Variants in CAV1 observed in about 807,000 individuals in gnomAD.
The protein encoded by CAV1 is caveolin-1.
A neutral mutation model predicts 16.5 loss-of-function variants in CAV1; 10 were observed. The ratio of observed to expected loss-of-function variants is 0.61; its 90% CI spans 0.37 to 1.03. The LOEUF (loss-of-function observed/expected upper bound fraction) is 1.03. CAV1 is among the 50% of genes least tolerant of loss of function. The probability of loss-of-function intolerance (pLI) is 0.01; values close to 1 mark genes in which losing one functional copy is unlikely to be tolerated. For missense variants in CAV1, 212 were observed against 232.8 expected (o/e 0.91, Z 0.58); for synonymous variants, 76 against 85.1 (o/e 0.89, Z 0.59).
intron 2 of CAV1, among the ~76,000 whole-genome samples, chr7:116,555,478 G>GGAAGGAAGGAAGGAAGGAA (rs1562837889): frequency 5.1e-3 from 37 of 7,254 alleles, no homozygotes; most frequent in East Asian, 0.043. Context: ...GAAGGAAGGA[G>GGAAGGAAGGAAGGAAGGAA]GAAAGAAAAG....
intron 1 of CAV1, chr7:116,526,291 G>A: frequency 3.0e-6 from 4 of 1,326,982 alleles, no homozygotes; most frequent in African/African-American, 1.5e-5. Context: ...GGCGCGCCCT[G>A]CAGAGTACAG....
At position 116,526,653 on chromosome 7, in the gene CAV1, C is replaced by T. The variant is rs985530289; in HGVS notation, c.159C>T (p.Asn53=). 7 of 1,614,050 alleles carry T rather than the reference C, an allele frequency of 4.3e-6. No homozygotes were observed. Among genetic ancestry groups the T allele is most frequent in the Middle Eastern group, 1.6e-4 (1 of 6,084 alleles). The change falls in exon 2 of 3, where the codon AAC becomes AAT. Residue 53 remains asparagine, a synonymous_variant. Transcript: ENST00000341049. ...ACACCAAGGAGATCGACCTGGTCAA[C>T]CGCGACCCTAAACACCTCAACGATG... ...DAHTKEIDLV[N]RDPKHLNDDV...
At chr7:116,549,824 T>C (rs781478677) in intron 2 of CAV1, among the ~76,000 whole-genome samples, 33 of 152,190 alleles carry the variant, frequency 2.2e-4, no homozygotes, top group Non-Finnish European at 3.2e-4. Context: ...CTAGGTATTA[T>C]AGAGGATACC....
At chr7:116,526,268 G>A (rs937198273) in intron 1 of CAV1, 8 of 1,255,080 alleles carry the variant, frequency 6.4e-6, no homozygotes, top group African/African-American at 1.5e-5. Context: ...CCTGGCGGCG[G>A]GCGGGGGAGG....
intron 2 of CAV1, among the ~76,000 whole-genome samples, chr7:116,540,207 A>C (rs757727682): frequency 4.6e-5 from 7 of 152,322 alleles, no homozygotes; most frequent in Non-Finnish European, 1.0e-4. Context: ...GGTTTCTCAT[A>C]GATCTCAGAT....
rs1293217496 is a variant in CAV1, at chr7:116,534,362, G to GAGATATATATATATAT, written c.195+7674_195+7675insGATATATATATATATA. ...AATACAGATGCCTGGGCCCACCTCA[G>GAGATATATATATATAT]ATATATATATATATATATATATATA... On this transcript the variant is annotated intron_variant, in intron 2 of 2. Coordinates refer to ENST00000341049, the MANE Select transcript of CAV1 (RefSeq NM_001753.5). 2.8e-4 allele frequency among the ~76,000 whole-genome samples: 12 copies of GAGATATATATATATAT among 42,666 alleles called. 1 individual carries two copies. The highest frequency in any genetic ancestry group is 4.1e-4 in the Non-Finnish European group (9 of 22,206). 28.0% of individuals were successfully genotyped at this position (42,666 alleles called of 152,430 possible).
chr7:116,534,362 GATATATATATATAT>G lies in CAV1; in HGVS notation c.195+7694_195+7707del, dbSNP rs1181031913. ...AATACAGATGCCTGGGCCCACCTCAGATATATATATATATATATATATATATATATATATTTTTT... is the reference window on the plus strand; with the variant it reads ...AATACAGATGCCTGGGCCCACCTCAGATATATATATATATATATATTTTTT... On this transcript the variant is annotated intron_variant, in intron 2 of 2. Coordinates refer to ENST00000341049, the MANE Select transcript of CAV1 (RefSeq NM_001753.5). Among the ~76,000 whole-genome samples the G allele has an allele frequency of 1.4e-3, 58 of 42,674 alleles. 1 individual carries two copies. The highest frequency in any genetic ancestry group is 7.2e-3 in the East Asian group (2 of 276). 28.0% of individuals were successfully genotyped at this position (42,674 alleles called of 152,430 possible). A position where few individuals can be genotyped will look rare whatever the true frequency, so the allele number is the denominator to read the frequency against.
At position 116,561,146 on chromosome 7, in the gene CAV1, C is replaced by G. The variant is rs1181381738; in HGVS notation, c.*1859C>G. ...TATCATGCATGTCCTGTAAAGGTTACAAGCCTGCACAATAAAAATGTTTAA... is the reference window on the plus strand; with the variant it reads ...TATCATGCATGTCCTGTAAAGGTTAGAAGCCTGCACAATAAAAATGTTTAA... On this transcript the variant is annotated 3_prime_UTR_variant, in exon 3 of 3. Transcript: ENST00000341049. 1 of 152,498 alleles carries G rather than the reference C, an allele frequency of 6.6e-6. No homozygotes were observed. The highest frequency in any genetic ancestry group is 1.5e-5 in the Non-Finnish European group (1 of 68,032). 9.4% of individuals were successfully genotyped at this position (152,498 alleles called of 1,614,324 possible). A position where few individuals can be genotyped will look rare whatever the true frequency, so the allele number is the denominator to read the frequency against.
At chr7:116,525,623 G>A (rs914791856) in intron 1 of CAV1, 4 of 1,131,942 alleles carry the variant, frequency 3.5e-6, no homozygotes, top group Admixed American at 9.0e-5. Flanking sequence ...CTTGGCGTCT[G>A]GCAGGGGTGT....
At chr7:116,525,960 G>A (rs1309547198) in intron 1 of CAV1, 18 of 431,270 alleles carry the variant, frequency 4.2e-5, no homozygotes, top group African/African-American at 2.6e-4. Flanking sequence ...GGGCAGGTGC[G>A]AGGGGGATGC....
chr7:116,537,826 G>A (rs150131929), intron 2 of CAV1, among the ~76,000 whole-genome samples: 1 of 152,250 alleles, frequency 6.6e-6, no homozygotes, highest in Non-Finnish European at 1.5e-5. Context: ...TTCAAGGAAT[G>A]TGGATGCTGG....
chr7:116,539,943 C>T (rs2116009049), intron 2 of CAV1, among the ~76,000 whole-genome samples: 1 of 152,228 alleles, frequency 6.6e-6, no homozygotes, highest in East Asian at 1.9e-4. Flanking sequence ...CCTGTTGAAC[C>T]CCCCATCTAT....
intron 2 of CAV1, among the ~76,000 whole-genome samples, chr7:116,537,004 C>T (rs1407128245): frequency 3.1e-5 from 3 of 97,268 alleles, no homozygotes; most frequent in South Asian, 3.9e-4. Context: ...AGCGAGACTC[C>T]GTCTCAAAAA....
At chr7:116,533,348 T>TA (rs77471536) in intron 2 of CAV1, among the ~76,000 whole-genome samples, 3 of 137,608 alleles carry the variant, frequency 2.2e-5, no homozygotes, top group African/African-American at 8.4e-5. Flanking sequence ...AAAAATAAAA[T>TA]AAATAAAATA....
intron 1 of CAV1, chr7:116,526,164 G>A: frequency 1.9e-6 from 1 of 524,626 alleles, no homozygotes; most frequent in Non-Finnish European, 2.5e-6. Context: ...CCCCCTCGCC[G>A]CCGAGGTCCT....
At chr7:116,539,891 C>T (rs2116008666) in intron 2 of CAV1, among the ~76,000 whole-genome samples, 1 of 152,214 alleles carries the variant, frequency 6.6e-6, no homozygotes, top group South Asian at 2.1e-4. Flanking sequence ...GGGTCTCTGG[C>T]TACAGGAGAA....
intron 2 of CAV1, among the ~76,000 whole-genome samples, chr7:116,554,513 T>C (rs1794224722): frequency 6.6e-6 from 1 of 152,182 alleles, no homozygotes. Context: ...GACATAGACC[T>C]GGGAATCAGG....
chr7:116,537,900 A>G (rs1035016865), intron 2 of CAV1, among the ~76,000 whole-genome samples: 5 of 152,240 alleles, frequency 3.3e-5, no homozygotes, highest in African/African-American at 1.2e-4. Flanking sequence ...GCCAGAGTAG[A>G]ACTAGAGTAG....
In CAV1 at chr7:116,559,802, T is replaced by C. The variant is rs1794370465; in HGVS notation, c.*515T>C. 2 of 409,738 alleles carry C rather than the reference T, an allele frequency of 4.9e-6. No homozygotes were observed. The highest frequency in any genetic ancestry group is 4.3e-6 in the Non-Finnish European group (1 of 233,024). The allele number at this position is 409,738 out of a possible 1,614,324, so 25.4% of individuals were successfully genotyped here. Reference sequence around the variant, plus strand: ...TACTGCCATTCACTTCATAATCCAGTAGGATCCAGTGATCCTTACAAGTTA... The same window carrying C: ...TACTGCCATTCACTTCATAATCCAGCAGGATCCAGTGATCCTTACAAGTTA... On this transcript the variant is annotated 3_prime_UTR_variant, in exon 3 of 3. Coordinates refer to ENST00000341049, the MANE Select transcript of CAV1 (RefSeq NM_001753.5).
Sources: allele counts gnomAD v4.1 joint callset (sites outside exome capture counted in the v4.1 genomes callset), GRCh38; gene constraint gnomAD v4.1.1; transcripts MANE v1.5; gene names NCBI Gene and HGNC (gene_info 2026-07-23, HGNC 2026-07-21).